The following EML1 variants were observed in gnomAD, a reference collection of about 807,000 sequenced individuals.
EML1 encodes the protein EMAP like 1, also known as echinoderm microtubule-associated protein-like 1.
In EML1, 27 loss-of-function variants were observed where a neutral mutation model predicts 110.4. That is an observed-to-expected ratio of 0.24 (90% CI 0.18 to 0.34). The LOEUF is 0.34. EML1 is among the 10% of genes least tolerant of loss of function. The probability of loss-of-function intolerance (pLI) is 1.00; values close to 1 mark genes in which losing one functional copy is unlikely to be tolerated. For missense variants in EML1, 741 were observed against 1,030.9 expected, an observed-to-expected ratio of 0.72 and a Z score of 3.85; for synonymous variants, 344 against 385.8, an observed-to-expected ratio of 0.89 and a Z score of 1.27.
chr14:99,741,364 G>A (rs755727573), intron 1 of EML1, among the ~76,000 whole-genome samples: 1 of 152,098 alleles, frequency 6.6e-6, no homozygotes, highest in East Asian at 1.9e-4. Context: ...CGTGTGCTGG[G>A]AAGTTGTTCC....
At chr14:99,881,568 A>C (rs1211852) in intron 4 of EML1, among the ~76,000 whole-genome samples, 87,906 of 151,140 alleles carry the variant, frequency 0.58, 26,007 homozygotes, top group East Asian at 0.87. Context: ...AAGTAATTAC[A>C]TGTTTTGCTT....
intron 1 of EML1, among the ~76,000 whole-genome samples, chr14:99,813,574 G>C (rs2058117230): frequency 6.6e-6 from 1 of 152,114 alleles, no homozygotes; most frequent in Non-Finnish European, 1.5e-5. Flanking sequence ...AGTTGTGGTG[G>C]CGTGTGCCTG....
At chr14:99,738,240 G>A (rs2056993100) in intron 1 of EML1, among the ~76,000 whole-genome samples, 1 of 152,208 alleles carries the variant, frequency 6.6e-6, no homozygotes, top group Non-Finnish European at 1.5e-5. Flanking sequence ...ACACTTAACG[G>A]CGGGGGAGAG....
chr14:99,917,894 A>C, intron 16 of EML1, 45 bp downstream of exon 16: 1 of 1,598,354 alleles, frequency 6.3e-7, no homozygotes, highest in Non-Finnish European at 8.6e-7. Context: ...GCTTATGGAA[A>C]AGAGGCCTGT....
rs116572108 is a variant in EML1, at chr14:99,889,744, T to C, written c.519-1455T>C. Reference sequence around the variant, plus strand: ...GTGAAGGGAGATGAGCTCTGAAGAATACAGGGGTCAGGTGCAGATTGGATA... The same window carrying C: ...GTGAAGGGAGATGAGCTCTGAAGAACACAGGGGTCAGGTGCAGATTGGATA... On this transcript the variant is annotated intron_variant, in intron 4 of 21. Transcript: ENST00000262233. 3.6e-3 allele frequency among the ~76,000 whole-genome samples: 542 copies of C among 152,288 alleles called. 4 individuals are homozygous for C. The highest frequency in any genetic ancestry group is 0.013 in the African/African-American group (532 of 41,566).
At chr14:99,893,410 G>A (rs1475841487) in intron 5 of EML1, among the ~76,000 whole-genome samples, 2 of 152,118 alleles carry the variant, frequency 1.3e-5, no homozygotes, top group African/African-American at 2.4e-5. Flanking sequence ...TCCATGGGAC[G>A]CAGTGGCTGG....
chr14:99,937,515 G>A (rs1309435984), intron 19 of EML1, among the ~76,000 whole-genome samples: 2 of 152,124 alleles, frequency 1.3e-5, no homozygotes, highest in African/African-American at 4.8e-5. Context: ...GGGTGGGGGT[G>A]GGCAGCAGGC....
At chr14:99,919,912 G>A (rs986297215) in intron 16 of EML1, among the ~76,000 whole-genome samples, 7 of 152,208 alleles carry the variant, frequency 4.6e-5, no homozygotes, top group African/African-American at 9.7e-5. Context: ...CTCACTCTGC[G>A]TCAGTGGACA....
In EML1 at chr14:99,939,442, C is replaced by T. The variant is rs2060538803; in HGVS notation, c.2322+115C>T. 1.3e-6 allele frequency: 2 copies of T among 1,495,680 alleles called. No homozygotes were observed. Among genetic ancestry groups the T allele is most frequent in the African/African-American group, 2.8e-5 (2 of 72,120 alleles). The allele number at this position is 1,495,680 out of a possible 1,614,324, so 92.7% of individuals were successfully genotyped here. ...GAGCGACTGCTGCCAGCCACAAAGG[C>T]AGATGTGACTCTGTTCTTTGCGCCC... On this transcript the variant is annotated intron_variant, in intron 21 of 21. Coordinates refer to ENST00000262233, the MANE Select transcript of EML1 (RefSeq NM_004434.3). The surrounding 1 kb of genome is among the most constrained non-coding windows in gnomAD (Gnocchi z 4.2).
chr14:99,812,051 C>G (rs1357630995), intron 1 of EML1, among the ~76,000 whole-genome samples: 3 of 151,736 alleles, frequency 2.0e-5, no homozygotes, highest in Non-Finnish European at 4.4e-5. Context: ...CCACAGTGTT[C>G]AAGAGTCACC....
intron 1 of EML1, among the ~76,000 whole-genome samples, chr14:99,836,746 A>G (rs1266456105): frequency 6.6e-6 from 1 of 151,932 alleles, no homozygotes; most frequent in Admixed American, 6.6e-5. Context: ...GGTGCTGGAT[A>G]TTTTTGAATT....
At chr14:99,807,572 C>G (rs755364371) in intron 1 of EML1, among the ~76,000 whole-genome samples, 2 of 152,174 alleles carry the variant, frequency 1.3e-5, no homozygotes, top group Non-Finnish European at 2.9e-5. Flanking sequence ...AGTTACCAGA[C>G]CTGGGTTCAG....
intron 17 of EML1, among the ~76,000 whole-genome samples, chr14:99,923,190 C>T (rs957814921): frequency 2.0e-5 from 3 of 152,306 alleles, no homozygotes; most frequent in Admixed American, 6.5e-5. Context: ...GATCTGCCTG[C>T]CTCGGCCTCC....
chr14:99,765,926 AG>A (rs975984931), intron 1 of EML1, among the ~76,000 whole-genome samples: 1 of 152,044 alleles, frequency 6.6e-6, no homozygotes, highest in Non-Finnish European at 1.5e-5. Context: ...TAATAATTAA[AG>A]GTTAATAAAA....
In EML1 at chr14:99,876,320, C is replaced by T. The variant is rs143476393; in HGVS notation, c.384-2165C>T. Reference sequence around the variant, plus strand: ...TTAAGTTCCTCAGCTCCTGCGTGCTCCTTGTTGAGATCTGGTCCCCGTGCA... The same window carrying T: ...TTAAGTTCCTCAGCTCCTGCGTGCTTCTTGTTGAGATCTGGTCCCCGTGCA... On this transcript the variant is annotated intron_variant, in intron 3 of 21. Coordinates refer to ENST00000262233, the MANE Select transcript of EML1 (RefSeq NM_004434.3). 1.2e-4 allele frequency among the ~76,000 whole-genome samples: 18 copies of T among 152,282 alleles called. 2 individuals are homozygous for T. The highest frequency in any genetic ancestry group is 4.1e-4 in the African/African-American group (17 of 41,556).
At chr14:99,914,426 GGC>G in intron 14 of EML1, 122 bp downstream of exon 14, 1 of 1,530,956 alleles carries the variant, frequency 6.5e-7, no homozygotes, top group Admixed American at 2.1e-5. Flanking sequence ...GAGTGTCTGT[GGC>G]TGCTGAAAGA....
chr14:99,831,722 T>C (rs2058457770), intron 1 of EML1, among the ~76,000 whole-genome samples: 1 of 152,182 alleles, frequency 6.6e-6, no homozygotes, highest in African/African-American at 2.4e-5. Flanking sequence ...CTGAATATTT[T>C]CTTATTTTTA....
intron 1 of EML1, among the ~76,000 whole-genome samples, chr14:99,804,231 C>T (rs548851890): frequency 3.0e-4 from 45 of 152,198 alleles, no homozygotes; most frequent in Non-Finnish European, 4.6e-4. Flanking sequence ...TTATATCTTA[C>T]GCCACGGAGT....
At chr14:99,769,555 T>A (rs1200106463), upstream of EML1, among the ~76,000 whole-genome samples, 5 of 152,204 alleles carry the variant, frequency 3.3e-5, no homozygotes, top group African/African-American at 1.2e-4. Context: ...TCAGTTTCAA[T>A]GGTTTGTCAA....
Sources: allele counts gnomAD v4.1 joint callset (sites outside exome capture counted in the v4.1 genomes callset), GRCh38; gene constraint gnomAD v4.1.1; non-coding constraint Gnocchi (gnomAD v3.1); transcripts MANE v1.5; gene names NCBI Gene and HGNC (gene_info 2026-07-23, HGNC 2026-07-21).